The following ADAMTSL1 variants were observed in gnomAD, a reference collection of about 807,000 sequenced individuals.
ADAMTSL1 encodes the protein ADAMTS-like protein 1.
Under a neutral mutation model 201.8 loss-of-function variants are expected in ADAMTSL1, and 126 were observed. The ratio of observed to expected loss-of-function variants is 0.62; its 90% CI spans 0.54 to 0.72. The LOEUF (loss-of-function observed/expected upper bound fraction) is 0.72. Ranked by LOEUF, ADAMTSL1 falls within the 30% of genes least tolerant of loss-of-function variation. The pLI is 0.00. For synonymous variants in ADAMTSL1, 1,121 were observed against 903.4 expected (o/e 1.24, Z -4.32); for missense variants, 2,679 against 2,277.8 (o/e 1.18, Z -3.59).
chr9:18,681,854 C>T lies in ADAMTSL1; in HGVS notation c.1384C>T (p.Leu462Phe). 6.2e-7 allele frequency: 1 copy of T among 1,613,958 alleles called. No individual in the cohort carries two copies. Among genetic ancestry groups the T allele is most frequent in the Non-Finnish European group, 8.5e-7 (1 of 1,179,876 alleles). Residue 462 changes from leucine to phenylalanine, a missense_variant, in exon 12 of 29, where the codon CTC (leucine) becomes TTC (phenylalanine). Transcript: ENST00000380548. Reference sequence around the variant, plus strand: ...CCAGGGCCTCAGATACCGTGTGGTCCTCTGCATCGACCATCGAGGAATGCA... The same window carrying T: ...CCAGGGCCTCAGATACCGTGTGGTCTTCTGCATCGACCATCGAGGAATGCA... ...CGQGLRYRVV[L>F]CIDHRGMHTG...
intron 2 of ADAMTSL1, among the ~76,000 whole-genome samples, chr9:18,390,505 G>A (rs1019187655): frequency 6.6e-6 from 1 of 152,220 alleles, no homozygotes; most frequent in African/African-American, 2.4e-5. Context: ...TTTTGCTTAT[G>A]TACTGCATGA....
chr9:18,580,375 G>C (rs954822776), intron 4 of ADAMTSL1, among the ~76,000 whole-genome samples: 7 of 152,166 alleles, frequency 4.6e-5, no homozygotes, highest in Admixed American at 6.5e-5. Flanking sequence ...ATCTCTGTCT[G>C]TGACCTAAGT....
At chr9:18,462,827 T>C (rs1319312511) in intron 2 of ADAMTSL1, among the ~76,000 whole-genome samples, 2 of 151,918 alleles carry the variant, frequency 1.3e-5, no homozygotes, top group Non-Finnish European at 2.9e-5. Flanking sequence ...TAATTCTAGC[T>C]ACTCGGGAGG....
At chr9:17,946,289 A>G (rs886849132) in intron 1 of ADAMTSL1, among the ~76,000 whole-genome samples, 1 of 152,116 alleles carries the variant, frequency 6.6e-6, no homozygotes, top group East Asian at 1.9e-4. Flanking sequence ...TTGAACCATC[A>G]TGCCGAGCTG....
At chr9:17,986,486 A>C (rs1306391528) in intron 1 of ADAMTSL1, among the ~76,000 whole-genome samples, 2 of 152,112 alleles carry the variant, frequency 1.3e-5, no homozygotes, top group African/African-American at 2.4e-5. Flanking sequence ...AATTATCAGA[A>C]AGAAGAATGA....
chr9:18,719,085 A>G (rs927307063), intron 14 of ADAMTSL1, among the ~76,000 whole-genome samples: 17 of 152,176 alleles, frequency 1.1e-4, no homozygotes, highest in African/African-American at 3.9e-4. Context: ...ACTGTTTCTT[A>G]TGAAGTGTTT....
At chr9:18,099,103 T>C (rs559483818) in intron 1 of ADAMTSL1, among the ~76,000 whole-genome samples, 7 of 88,700 alleles carry the variant, frequency 7.9e-5, no homozygotes, top group African/African-American at 1.7e-4. Flanking sequence ...TGACAGCAGG[T>C]TTTTTTTTTT....
chr9:18,200,873 G>C (rs932077425), intron 2 of ADAMTSL1, among the ~76,000 whole-genome samples: 5 of 151,918 alleles, frequency 3.3e-5, no homozygotes, highest in African/African-American at 9.7e-5. Flanking sequence ...AAAAAGTCAT[G>C]ATGACCTCTT....
intron 1 of ADAMTSL1, among the ~76,000 whole-genome samples, chr9:17,946,285 C>A (rs1046930318): frequency 1.4e-4 from 21 of 151,868 alleles, no homozygotes; most frequent in Admixed American, 1.2e-3. Context: ...AGGCTTGAAC[C>A]ATCATGCCGA....
chr9:18,528,805 T>A (rs1258930627), intron 2 of ADAMTSL1, among the ~76,000 whole-genome samples: 1 of 152,166 alleles, frequency 6.6e-6, no homozygotes, highest in South Asian at 2.1e-4. Flanking sequence ...TATTTTATAG[T>A]TTATATTGGG....
rs546548287 is a variant in ADAMTSL1 at position 18,623,758 on chromosome 9, C to T, written c.601+1389C>T. On this transcript the variant is annotated intron_variant, in intron 5 of 28. Transcript: ENST00000380548. ...CATTTTTAGAATTATTTTGACATTG[C>T]TTGGCATATTGTCTCCAGATTTTGC... is the stretch of plus-strand genomic sequence containing the variant. 3.2e-4 allele frequency among the ~76,000 whole-genome samples: 49 copies of T among 152,284 alleles called. 1 individual carries two copies. Among genetic ancestry groups the T allele is most frequent in the African/African-American group, 1.1e-3 (44 of 41,566 alleles).
At chr9:18,700,535 T>A (rs1388363865) in intron 13 of ADAMTSL1, among the ~76,000 whole-genome samples, 1 of 152,202 alleles carries the variant, frequency 6.6e-6, no homozygotes, top group Non-Finnish European at 1.5e-5. Context: ...TTAACTGCAC[T>A]TTATCCTAAG....
At chr9:17,908,244 G>C (rs1450076298) in intron 1 of ADAMTSL1, among the ~76,000 whole-genome samples, 2 of 152,128 alleles carry the variant, frequency 1.3e-5, no homozygotes, top group African/African-American at 2.4e-5. Flanking sequence ...ACCATGCTTC[G>C]TTCCTTGTCA....
chr9:18,089,378 C>T (rs1280825001), intron 1 of ADAMTSL1, among the ~76,000 whole-genome samples: 1 of 151,314 alleles, frequency 6.6e-6, no homozygotes, highest in East Asian at 1.9e-4. Context: ...GAAAACCAAA[C>T]ACTGCATATT....
intron 2 of ADAMTSL1, among the ~76,000 whole-genome samples, chr9:18,264,192 T>G (rs1832034036): frequency 6.6e-6 from 1 of 152,172 alleles, no homozygotes; most frequent in South Asian, 2.1e-4. Context: ...ATTTATTTAT[T>G]ATTATTAAAG....
At position 18,753,409 on chromosome 9, in the gene ADAMTSL1, C is replaced by T. The variant is rs774749250; in HGVS notation, c.2118C>T (p.Ile706=). The change falls in exon 16 of 29, where the codon ATC becomes ATT. Residue 706 remains isoleucine (I), a synonymous_variant. Coordinates refer to ENST00000380548, the MANE Select transcript of ADAMTSL1 (RefSeq NM_001040272.6). ...LLSREMNETV[I]LADELCRQPK... ...CCAGAGAGATGAATGAAACAGTCAT[C>T]CTGGCTGATGAGCTGTGTCGCCAGC... is the stretch of plus-strand genomic sequence containing the variant. 6 of 1,613,166 alleles carry T rather than the reference C, an allele frequency of 3.7e-6. No individual in the cohort carries two copies. The highest frequency in any genetic ancestry group is 1.7e-5 in the Admixed American group (1 of 59,918).
At position 17,930,884 on chromosome 9, in the gene ADAMTSL1, C is replaced by T. The variant is rs544832267; in HGVS notation, c.87+23962C>T. On this transcript the variant is annotated intron_variant, in intron 1 of 29. Transcript: ENST00000680146. ...CTTGTGTAGCTGTATTCATAATATG[C>T]GCTGATTAGTATCTTGTCAGCTGAA... 2.3e-3 allele frequency among the ~76,000 whole-genome samples: 354 copies of T among 152,246 alleles called. 3 individuals are homozygous for T. Among genetic ancestry groups the T allele is most frequent in the Non-Finnish European group, 4.1e-3 (279 of 68,018 alleles).
chr9:18,049,619 C>CTT (rs61679017), intron 1 of ADAMTSL1, among the ~76,000 whole-genome samples: 148 of 143,690 alleles, frequency 1.0e-3, no homozygotes, highest in South Asian at 1.1e-3. Flanking sequence ...ACTTCTTATT[C>CTT]TTTTTTTTTT....
At chr9:18,898,778 C>G (rs57982075) in intron 26 of ADAMTSL1, among the ~76,000 whole-genome samples, 19,127 of 152,130 alleles carry the variant, frequency 0.13, 2,055 homozygotes, top group African/African-American at 0.3. Flanking sequence ...ATCTCTCCAA[C>G]TAGATATTGA....
Sources: gnomAD v4.1 joint callset for allele counts (sites outside exome capture counted in the v4.1 genomes callset) on GRCh38, gnomAD v4.1.1 for gene constraint, MANE v1.5 for transcripts, NCBI Gene and HGNC (gene_info 2026-07-23, HGNC 2026-07-21) for gene names.